HELQ: variants seen among roughly 807,000 people sequenced by gnomAD.
HELQ encodes helicase, POLQ like.
HELQ carries 77 observed loss-of-function variants against 111.6 expected under a neutral mutation model. That is an observed-to-expected ratio of 0.69 (90% CI 0.57 to 0.83). The LOEUF is 0.83. Among genes scored for constraint, HELQ ranks in the 40% least tolerant of loss-of-function variants. The probability of loss-of-function intolerance (pLI) is 0.00; values close to 1 mark genes in which losing one functional copy is unlikely to be tolerated. For synonymous variants in HELQ, 438 were observed against 454.7 expected (o/e 0.96, Z 0.47); for missense variants, 1,200 against 1,288.5 (o/e 0.93, Z 1.05).
intron 11 of HELQ, among the ~76,000 whole-genome samples, 161 bp from the exon 12 acceptor site, chr4:83,429,907 T>G (rs1484328711): frequency 6.6e-6 from 1 of 152,152 alleles, no homozygotes; most frequent in African/African-American, 2.4e-5. Context: ...TAATGGCAAT[T>G]AAAAATTAAC....
At chr4:83,451,091 A>C (rs1041656604) in intron 2 of HELQ, among the ~76,000 whole-genome samples, 5 of 152,212 alleles carry the variant, frequency 3.3e-5, no homozygotes, top group African/African-American at 1.2e-4. Flanking sequence ...TTTATGCTTT[A>C]ATCTGGTCAT....
chr4:83,411,382 G>A (rs1015172265), intron 17 of HELQ, among the ~76,000 whole-genome samples: 3 of 151,546 alleles, frequency 2.0e-5, no homozygotes, highest in African/African-American at 4.8e-5. Flanking sequence ...GGCTGAGGAG[G>A]GTGGATCACT....
chr4:83,451,051 G>T (rs1168220358), intron 2 of HELQ, among the ~76,000 whole-genome samples: 1 of 152,144 alleles, frequency 6.6e-6, no homozygotes, highest in Non-Finnish European at 1.5e-5. Context: ...GAGAACCACC[G>T]CTTTAGCTTA....
At chr4:83,431,018 A>T (rs992813020) in intron 11 of HELQ, among the ~76,000 whole-genome samples, 1 of 152,116 alleles carries the variant, frequency 6.6e-6, no homozygotes, top group Non-Finnish European at 1.5e-5. Context: ...TGGCTTCTCA[A>T]ATCCAGATTC....
intron 9 of HELQ, among the ~76,000 whole-genome samples, chr4:83,434,326 G>A (rs1453699654): frequency 6.6e-6 from 1 of 151,952 alleles, no homozygotes; most frequent in Non-Finnish European, 1.5e-5. Flanking sequence ...AGCCGAGACC[G>A]CACCACTGCA....
rs747937930 is a variant in HELQ at position 83,441,365 on chromosome 4, T to C, written c.1602A>G (p.Ile534Met). The C allele has an allele frequency of 1.9e-6, 3 of 1,585,850 alleles. No individual in the cohort carries two copies. Among genetic ancestry groups the C allele is most frequent in the Admixed American group, 1.7e-5 (1 of 58,250 alleles). ...TCTCAGCTTTGCTGTCAACTTCATA[T>C]ATTGTATCATTTATTTTCAGATATT... is the stretch of plus-strand genomic sequence containing the variant. ...LKEYLKINDT[I>M]YEVDSKAENG... The change falls in exon 7 of 18, where the codon ATA (isoleucine) becomes ATG (methionine). Residue 534 changes from isoleucine (I) to methionine (M), a missense_variant. Physicochemically the swap from Ile to Met is conservative, Grantham distance 10. Transcript: ENST00000295488.
chr4:83,449,388 C>T (rs746810899), intron 2 of HELQ, among the ~76,000 whole-genome samples: 22 of 152,274 alleles, frequency 1.4e-4, no homozygotes, highest in Non-Finnish European at 2.8e-4. Flanking sequence ...CAGAGAGAAG[C>T]AGGGGAAGGA....
intron 12 of HELQ, among the ~76,000 whole-genome samples, chr4:83,427,994 T>G (rs890978264): frequency 2.0e-5 from 3 of 152,154 alleles, no homozygotes; most frequent in Non-Finnish European, 4.4e-5. Context: ...TGCGCCTTGT[T>G]TATAACAGAG....
chr4:83,418,425 A>G (rs372095568), intron 15 of HELQ, among the ~76,000 whole-genome samples: 5 of 152,338 alleles, frequency 3.3e-5, no homozygotes, highest in East Asian at 3.9e-4. Context: ...GAAAAGATTG[A>G]AAATTGAAAA....
At chr4:83,417,187 CTTCT>C (rs1322907263) in intron 16 of HELQ, among the ~76,000 whole-genome samples, 6 of 151,054 alleles carry the variant, frequency 4.0e-5, no homozygotes, top group Non-Finnish European at 8.9e-5. Context: ...TTCTTTCTTT[CTTCT>C]TTTTCTTTTC....
At chr4:83,433,244 A>G (rs1238478893) in intron 9 of HELQ, among the ~76,000 whole-genome samples, 1 of 152,232 alleles carries the variant, frequency 6.6e-6, no homozygotes, top group African/African-American at 2.4e-5. Context: ...AATAACATAA[A>G]AGAAACATAA....
In HELQ at chr4:83,453,864, C is replaced by G; in HGVS notation, c.379G>C (p.Glu127Gln). 6.2e-7 allele frequency: 1 copy of G among 1,613,896 alleles called. No homozygotes were observed. Among genetic ancestry groups the G allele is most frequent in the Non-Finnish European group, 8.5e-7 (1 of 1,179,888 alleles). ...NSFIAQVDDL[E>Q]QKYMQLPEHK... ...TCAGGGAGTTGCATATATTTTTGTT[C>G]CAGGTCGTCAACTTGAGCTATAAAG... The change falls in exon 2 of 18, where the codon GAA becomes CAA. Residue 127 changes from glutamate to glutamine, a missense_variant. Coordinates refer to ENST00000295488, the MANE Select transcript of HELQ (RefSeq NM_133636.5).
intron 15 of HELQ, 46 bp from the exon 16 acceptor site, chr4:83,418,252 T>G: frequency 8.5e-7 from 1 of 1,174,252 alleles, no homozygotes; most frequent in Non-Finnish European, 1.2e-6. Flanking sequence ...TTGTAAGTTA[T>G]TTCAAAGTTT....
intron 15 of HELQ, among the ~76,000 whole-genome samples, chr4:83,420,962 A>G (rs1171632166): frequency 6.6e-6 from 1 of 151,936 alleles, no homozygotes; most frequent in Non-Finnish European, 1.5e-5. Context: ...GTGTGCCACC[A>G]CGCCTGGCTA....
intron 17 of HELQ, among the ~76,000 whole-genome samples, chr4:83,408,206 A>T (rs1414025466): frequency 1.3e-5 from 2 of 152,192 alleles, no homozygotes; most frequent in African/African-American, 2.4e-5. Context: ...TTACTTGTTT[A>T]AAAAAGCCCA....
chr4:83,433,276 A>G (rs1397617771), intron 9 of HELQ, among the ~76,000 whole-genome samples: 1 of 152,188 alleles, frequency 6.6e-6, no homozygotes, highest in African/African-American at 2.4e-5. Context: ...AGAATAAGTG[A>G]CCACAAAACC....
At chr4:83,438,748 G>GA (rs200715200) in intron 8 of HELQ, among the ~76,000 whole-genome samples, 1,198 of 104,224 alleles carry the variant, frequency 0.011, 35 homozygotes, top group African/African-American at 0.049. Context: ...CCTGTCTCAG[G>GA]AAAAAAAAAA....
At chr4:83,413,845 A>G (rs1739227992) in intron 17 of HELQ, among the ~76,000 whole-genome samples, 2 of 152,222 alleles carry the variant, frequency 1.3e-5, no homozygotes, top group Non-Finnish European at 1.5e-5. Context: ...AGTTGCCTCC[A>G]ATTATCAGCT....
intron 6 of HELQ, 98 bp downstream of exon 6, chr4:83,443,419 T>G (rs1720879933): frequency 1.8e-6 from 1 of 559,798 alleles, no homozygotes; most frequent in Non-Finnish European, 3.2e-6. Flanking sequence ...GCCCCTTCAC[T>G]ACTCTACAGA....
Sources: allele counts gnomAD v4.1 joint callset (sites outside exome capture counted in the v4.1 genomes callset), GRCh38; gene constraint gnomAD v4.1.1; transcripts MANE v1.5; gene names NCBI Gene and HGNC (gene_info 2026-07-23, HGNC 2026-07-21).